Variants in LRRC1 observed in about 807,000 individuals in gnomAD.
LRRC1 encodes the protein leucine-rich repeat-containing protein 1.
A neutral mutation model predicts 69.9 loss-of-function variants in LRRC1; 28 were observed. The observed-to-expected ratio is 0.40, with a 90% CI of 0.30 to 0.55. The LOEUF is 0.55. LRRC1 is among the 20% of genes least tolerant of loss of function. LRRC1 has a pLI of 0.47. For synonymous variants in LRRC1, 236 were observed against 240.2 expected (o/e 0.98, Z 0.16); for missense variants, 498 against 609.0 (o/e 0.82, Z 1.92).
intron 4 of LRRC1, 64 bp downstream of exon 4, chr6:53,883,040 C>A: frequency 3.1e-6 from 3 of 953,872 alleles, no homozygotes; most frequent in Non-Finnish European, 4.8e-6. Flanking sequence ...TCAGCTCTAG[C>A]CTCCTTCCCT....
chr6:53,899,809 T>C lies in LRRC1; in HGVS notation c.705T>C (p.Leu235=). ...TCTCTGAAAACAGGTTGGAAAGACT[T>C]CCTGAAGAAATCAGTGGCCTGACTT... ...LDVSENRLER[L]PEEISGLTSL... The change falls in exon 8 of 14, where the codon CTT becomes CTC. Residue 235 remains leucine, a synonymous_variant. Transcript: ENST00000370888. 1 of 1,614,150 alleles carries C rather than the reference T, an allele frequency of 6.2e-7. No homozygotes were observed.
chr6:53,845,119 G>A (rs145779612), intron 2 of LRRC1, among the ~76,000 whole-genome samples: 122 of 152,268 alleles, frequency 8.0e-4, no homozygotes, highest in Middle Eastern at 3.4e-3. Context: ...CAGGAGAATC[G>A]CTTGAACCCG....
intron 4 of LRRC1, among the ~76,000 whole-genome samples, chr6:53,891,134 G>A (rs1268978395): frequency 5.3e-5 from 8 of 152,148 alleles, no homozygotes; most frequent in African/African-American, 1.7e-4. Context: ...AAGAATTAGT[G>A]TGCTGAGAAG....
chr6:53,814,540 G>GT (rs1764894907), intron 1 of LRRC1, among the ~76,000 whole-genome samples: 1 of 152,226 alleles, frequency 6.6e-6, no homozygotes, highest in Admixed American at 6.5e-5. Context: ...TACTGACACA[G>GT]TGTCTATTGT....
At chr6:53,879,379 G>C (rs910404897) in intron 3 of LRRC1, among the ~76,000 whole-genome samples, 7 of 152,092 alleles carry the variant, frequency 4.6e-5, no homozygotes, top group African/African-American at 1.7e-4. Flanking sequence ...TCCGCCTTCC[G>C]GGTTCAAGTG....
intron 2 of LRRC1, among the ~76,000 whole-genome samples, chr6:53,854,292 A>C (rs1192267976): frequency 4.6e-5 from 7 of 152,240 alleles, no homozygotes; most frequent in Admixed American, 4.6e-4. Flanking sequence ...ATCCCTGAGA[A>C]GACTAAGAAG....
At chr6:53,872,191 T>C (rs1233411049) in intron 2 of LRRC1, among the ~76,000 whole-genome samples, 1 of 152,208 alleles carries the variant, frequency 6.6e-6, no homozygotes, top group Admixed American at 6.5e-5. Flanking sequence ...CCAGCGCACC[T>C]AATGTGTGTT....
intron 9 of LRRC1, among the ~76,000 whole-genome samples, chr6:53,903,152 G>A (rs563599119): frequency 2.0e-5 from 3 of 152,294 alleles, no homozygotes; most frequent in African/African-American, 7.2e-5. Flanking sequence ...GAAGAGGAAC[G>A]AGATGGACGT....
intron 1 of LRRC1, among the ~76,000 whole-genome samples, chr6:53,834,595 G>C (rs1385520992): frequency 6.6e-6 from 1 of 152,150 alleles, no homozygotes; most frequent in African/African-American, 2.4e-5. Context: ...TAACTGGTCT[G>C]CAGTATCAGG....
At chr6:53,813,641 A>G (rs571912496) in intron 1 of LRRC1, among the ~76,000 whole-genome samples, 97 of 149,778 alleles carry the variant, frequency 6.5e-4, no homozygotes, top group Non-Finnish European at 6.5e-4. Context: ...ACAATTTGGA[A>G]AATGCACTGT....
intron 8 of LRRC1, among the ~76,000 whole-genome samples, chr6:53,901,993 T>C (rs1768071796): frequency 6.6e-6 from 1 of 152,230 alleles, no homozygotes; most frequent in African/African-American, 2.4e-5. Context: ...CTCTGTGGGC[T>C]TAATCCCATG....
chr6:53,834,670 C>T (rs1057233716), intron 1 of LRRC1, among the ~76,000 whole-genome samples: 28 of 152,176 alleles, frequency 1.8e-4, no homozygotes, highest in Admixed American at 1.6e-3. Context: ...AAAAACTCTA[C>T]CTCACTTGGT....
At chr6:53,799,575 C>T (rs1764406205) in intron 1 of LRRC1, among the ~76,000 whole-genome samples, 1 of 152,234 alleles carries the variant, frequency 6.6e-6, no homozygotes, top group Admixed American at 6.5e-5. Context: ...TCCATCTCTT[C>T]TGTGCTGGAC....
intron 1 of LRRC1, among the ~76,000 whole-genome samples, chr6:53,797,882 T>A (rs1764348032): frequency 6.6e-6 from 1 of 152,258 alleles, no homozygotes; most frequent in African/African-American, 2.4e-5. Context: ...TTCATTCAGA[T>A]GTCAGCCAAA....
At chr6:53,846,693 T>G (rs1765957847) in intron 2 of LRRC1, among the ~76,000 whole-genome samples, 1 of 152,218 alleles carries the variant, frequency 6.6e-6, no homozygotes, top group African/African-American at 2.4e-5. Context: ...GAACTAGATA[T>G]CTGAATTTGC....
At chr6:53,798,121 G>A (rs1764355605) in intron 1 of LRRC1, among the ~76,000 whole-genome samples, 1 of 152,222 alleles carries the variant, frequency 6.6e-6, no homozygotes, top group Non-Finnish European at 1.5e-5. Flanking sequence ...GTTAGTGTGG[G>A]ATGGAAAGGA....
intron 2 of LRRC1, among the ~76,000 whole-genome samples, chr6:53,842,847 A>G (rs143711489): frequency 3.9e-5 from 6 of 152,300 alleles, no homozygotes; most frequent in African/African-American, 7.2e-5. Flanking sequence ...TGTGTGGTAT[A>G]TTTGTGAGTT....
At chr6:53,798,234 G>A (rs1764358744) in intron 1 of LRRC1, among the ~76,000 whole-genome samples, 1 of 152,126 alleles carries the variant, frequency 6.6e-6, no homozygotes, top group African/African-American at 2.4e-5. Flanking sequence ...TTGCAGTTGG[G>A]TGATAGCCTC....
chr6:53,803,976 T>C (rs1014111587), intron 1 of LRRC1, among the ~76,000 whole-genome samples: 1 of 152,148 alleles, frequency 6.6e-6, no homozygotes, highest in African/African-American at 2.4e-5. Flanking sequence ...AATGAGCAGT[T>C]GTGAGGGCCA....
Sources: gnomAD v4.1 joint callset for allele counts (sites outside exome capture counted in the v4.1 genomes callset) on GRCh38, gnomAD v4.1.1 for gene constraint, MANE v1.5 for transcripts, NCBI Gene and HGNC (gene_info 2026-07-23, HGNC 2026-07-21) for gene names.